IQCJ: variants seen among roughly 807,000 people sequenced by gnomAD.
IQCJ encodes IQ domain-containing protein J.
A neutral mutation model predicts 11.0 loss-of-function variants in IQCJ; 9 were observed. The ratio of observed to expected loss-of-function variants is 0.82; its 90% CI spans 0.49 to 1.43. IQCJ has a LOEUF of 1.43. IQCJ is among the 40% of genes most tolerant of loss of function. IQCJ has a pLI of 0.00. For missense variants in IQCJ, 146 were observed against 133.2 expected (o/e 1.10, Z -0.47); for synonymous variants, 55 against 51.3 (o/e 1.07, Z -0.31).
Position 159,262,961 on chromosome 3 carries a change from T to C in IQCJ, c.*230T>C. ...ATTATGGAGGTATCTTTTTTGCTTTTCTTTATAATAGCATATTTCTTTTAG... is the reference window on the plus strand; with the variant it reads ...ATTATGGAGGTATCTTTTTTGCTTTCCTTTATAATAGCATATTTCTTTTAG... On this transcript the variant is annotated 3_prime_UTR_variant, in exon 4 of 4. Coordinates refer to ENST00000397832, the MANE Select transcript of IQCJ (RefSeq NM_001042706.3). The C allele has an allele frequency of 8.0e-7, 1 of 1,246,938 alleles. No homozygotes were observed. Among genetic ancestry groups the C allele is most frequent in the African/African-American group, 1.5e-5 (1 of 66,858 alleles). 77.2% of individuals were successfully genotyped at this position (1,246,938 alleles called of 1,614,324 possible).
chr3:159,111,661 A>T (rs1402108158), intron 1 of IQCJ, among the ~76,000 whole-genome samples: 3 of 152,218 alleles, frequency 2.0e-5, no homozygotes, highest in Non-Finnish European at 2.9e-5. Context: ...CACCCCTCAC[A>T]TGGTGGAATG....
At chr3:159,118,494 C>T (rs1205722873) in intron 1 of IQCJ, among the ~76,000 whole-genome samples, 1 of 152,172 alleles carries the variant, frequency 6.6e-6, no homozygotes, top group East Asian at 1.9e-4. Context: ...CTCATAAAAT[C>T]TCCAAAAACC....
intron 1 of IQCJ, among the ~76,000 whole-genome samples, chr3:159,245,009 G>A (rs541560793): frequency 2.0e-5 from 3 of 152,156 alleles, no homozygotes; most frequent in Non-Finnish European, 2.9e-5. Flanking sequence ...TGATAAGACT[G>A]AAGAAGGGAG....
chr3:159,182,248 C>G (rs1204395169), intron 1 of IQCJ, among the ~76,000 whole-genome samples: 1 of 151,878 alleles, frequency 6.6e-6, no homozygotes, highest in Non-Finnish European at 1.5e-5. Context: ...CCCCCAATGA[C>G]AGCTGTGCCC....
intron 1 of IQCJ, among the ~76,000 whole-genome samples, chr3:159,202,230 A>G (rs544130925): frequency 6.6e-6 from 1 of 152,284 alleles, no homozygotes; most frequent in East Asian, 1.9e-4. Flanking sequence ...ACTTGTCCTG[A>G]GTTTTAAACC....
intron 1 of IQCJ, among the ~76,000 whole-genome samples, chr3:159,194,822 C>T (rs1723890014): frequency 6.6e-6 from 1 of 152,154 alleles, no homozygotes; most frequent in East Asian, 1.9e-4. Flanking sequence ...GATTTAAATT[C>T]TGTATCACGA....
At chr3:159,210,834 T>A (rs912517349) in intron 1 of IQCJ, among the ~76,000 whole-genome samples, 4 of 152,082 alleles carry the variant, frequency 2.6e-5, no homozygotes, top group African/African-American at 9.7e-5. Context: ...CACACCCCGC[T>A]AATTTTTCTG....
intron 1 of IQCJ, among the ~76,000 whole-genome samples, chr3:159,178,400 CTGA>C (rs1295934680): frequency 9.2e-5 from 14 of 152,310 alleles, no homozygotes; most frequent in Non-Finnish European, 1.3e-4. Flanking sequence ...ACCACTTACT[CTGA>C]CAACTGAAGG....
intron 1 of IQCJ, among the ~76,000 whole-genome samples, chr3:159,095,263 T>A (rs1226798320): frequency 6.6e-6 from 1 of 151,836 alleles, no homozygotes; most frequent in African/African-American, 2.4e-5. Context: ...AAATAGTAAA[T>A]GTGTATAGAC....
intron 1 of IQCJ, among the ~76,000 whole-genome samples, chr3:159,123,127 T>C (rs1416773531): frequency 6.6e-6 from 1 of 152,212 alleles, no homozygotes. Context: ...GGTGTTAATG[T>C]AATTGAAATA....
chr3:159,258,995 C>T (rs556839108), intron 3 of IQCJ, among the ~76,000 whole-genome samples: 26 of 152,206 alleles, frequency 1.7e-4, no homozygotes, highest in Non-Finnish European at 3.2e-4. Flanking sequence ...ATCTCAATCC[C>T]ATCCATGCTT....
At chr3:159,187,001 A>AT (rs1408398778) in intron 1 of IQCJ, among the ~76,000 whole-genome samples, 2 of 152,194 alleles carry the variant, frequency 1.3e-5, no homozygotes, top group Non-Finnish European at 2.9e-5. Flanking sequence ...AAATGTTGGC[A>AT]TTGGGCATCC....
At chr3:159,139,646 C>T (rs1457403462) in intron 1 of IQCJ, among the ~76,000 whole-genome samples, 2 of 152,150 alleles carry the variant, frequency 1.3e-5, no homozygotes, top group Non-Finnish European at 2.9e-5. Context: ...GGAGAAATGC[C>T]CTGTGGGCTT....
At chr3:159,122,195 G>T (rs908471991) in intron 1 of IQCJ, among the ~76,000 whole-genome samples, 2 of 152,066 alleles carry the variant, frequency 1.3e-5, no homozygotes, top group African/African-American at 4.8e-5. Context: ...ATTCATGAGG[G>T]CTCCATTCTC....
chr3:159,238,250 C>G (rs1726709445), intron 1 of IQCJ, among the ~76,000 whole-genome samples: 1 of 152,158 alleles, frequency 6.6e-6, no homozygotes, highest in African/African-American at 2.4e-5. Flanking sequence ...CTTCTTTCTT[C>G]TGCTACCCTC....
At chr3:159,085,190 A>T (rs1471661282) in intron 1 of IQCJ, among the ~76,000 whole-genome samples, 2 of 151,458 alleles carry the variant, frequency 1.3e-5, no homozygotes, top group African/African-American at 2.4e-5. Flanking sequence ...TTCTTGCGAT[A>T]GTTTACTGAG....
intron 1 of IQCJ, among the ~76,000 whole-genome samples, chr3:159,229,189 G>A (rs1367107517): frequency 1.3e-5 from 2 of 152,054 alleles, no homozygotes; most frequent in East Asian, 1.9e-4. Context: ...AACTTTGGTG[G>A]CATTTCTATC....
At chr3:159,176,685 T>A (rs1398228657) in intron 1 of IQCJ, among the ~76,000 whole-genome samples, 1 of 152,216 alleles carries the variant, frequency 6.6e-6, no homozygotes. Flanking sequence ...TAAAAAATGC[T>A]ATGATTTCAA....
intron 1 of IQCJ, among the ~76,000 whole-genome samples, chr3:159,073,071 A>G (rs1715684866): frequency 6.6e-6 from 1 of 152,096 alleles, no homozygotes; most frequent in African/African-American, 2.4e-5. Context: ...TGACCACACA[A>G]TGCAGATATG....
Sources: gnomAD v4.1 joint callset for allele counts (sites outside exome capture counted in the v4.1 genomes callset) on GRCh38, gnomAD v4.1.1 for gene constraint, MANE v1.5 for transcripts, NCBI Gene and HGNC (gene_info 2026-07-23, HGNC 2026-07-21) for gene names.